The following CITED2 variants were observed in gnomAD, a reference collection of about 807,000 sequenced individuals.
CITED2 encodes the protein cbp/p300-interacting transactivator 2.
A neutral mutation model predicts 11.8 loss-of-function variants in CITED2; 2 were observed. The ratio of observed to expected loss-of-function variants is 0.17; its 90% CI spans 0.07 to 0.54. The LOEUF (loss-of-function observed/expected upper bound fraction) is 0.54. Ranked by LOEUF, CITED2 falls within the 20% of genes least tolerant of loss-of-function variation. The pLI, the probability that CITED2 is intolerant of heterozygous loss-of-function variation, is 0.94. For synonymous variants in CITED2, 210 were observed against 153.0 expected (o/e 1.37, Z -2.75); for missense variants, 437 against 390.2 (o/e 1.12, Z -1.01).
At chr6:139,374,234 A>C (rs1341143158) in intron 1 of CITED2, 179 bp downstream of exon 1, 1 of 1,405,894 alleles carries the variant, frequency 7.1e-7, no homozygotes, top group Non-Finnish European at 9.3e-7. Flanking sequence ...TGGCCTAATA[A>C]AGGAAGTGCC....
In CITED2 at chr6:139,371,842, C is replaced by A. The variant is rs1304506251; in HGVS notation, c.*1290G>T. ...TTTATATTTAATGCCACCCATCAAT[C>A]AATCAGTGTATTATTCCAATCTACC... On this transcript the variant is annotated 3_prime_UTR_variant, in exon 2 of 2. Coordinates refer to ENST00000367651, the MANE Select transcript of CITED2 (RefSeq NM_006079.5). 6.6e-6 allele frequency: 1 copy of A among 152,190 alleles called. No individual in the cohort carries two copies. The highest frequency in any genetic ancestry group is 6.5e-5 in the Admixed American group (1 of 15,274). 9.4% of individuals were successfully genotyped at this position (152,190 alleles called of 1,614,324 possible).
At position 139,372,610 on chromosome 6, in the gene CITED2, A is replaced by G; in HGVS notation, c.*522T>C. On this transcript the variant is annotated 3_prime_UTR_variant, in exon 2 of 2. Coordinates refer to ENST00000367651, the MANE Select transcript of CITED2 (RefSeq NM_006079.5). ...CCACATCTGTTTAATCTTCCAGTTT[A>G]GCATATTTTAAAAATTAGTCTGTAC... 5.5e-6 allele frequency: 1 copy of G among 182,428 alleles called. No individual in the cohort carries two copies. Among genetic ancestry groups the G allele is most frequent in the Non-Finnish European group, 1.2e-5 (1 of 84,236 alleles). 11.3% of individuals were successfully genotyped at this position (182,428 alleles called of 1,614,324 possible).
chr6:139,372,664 A>T lies in CITED2; in HGVS notation c.*468T>A. 5.1e-6 allele frequency: 1 copy of T among 197,516 alleles called. No individual in the cohort carries two copies. The highest frequency in any genetic ancestry group is 8.3e-5 in the South Asian group (1 of 12,028). The allele number at this position is 197,516 out of a possible 1,614,324, so 12.2% of individuals were successfully genotyped here. A position where few individuals can be genotyped will look rare whatever the true frequency, so the allele number is the denominator to read the frequency against. Reference sequence around the variant, plus strand: ...AATGCATAGTTAAAAAAATGAAGCGAGATGGCAGTTTGTGCAGTAATATCT... The same window carrying T: ...AATGCATAGTTAAAAAAATGAAGCGTGATGGCAGTTTGTGCAGTAATATCT... On this transcript the variant is annotated 3_prime_UTR_variant, in exon 2 of 2. Coordinates refer to ENST00000367651, the MANE Select transcript of CITED2 (RefSeq NM_006079.5).
In CITED2 at chr6:139,373,290, C is replaced by T. The variant is rs746639456; in HGVS notation, c.655G>A (p.Asp219Asn). ...ACTTCCTCGTCGATGAAATCAGTGTCTATGACATTGGGCGGCAGCATTGCA... is the reference window on the plus strand; with the variant it reads ...ACTTCCTCGTCGATGAAATCAGTGTTTATGACATTGGGCGGCAGCATTGCA... ...PAAMLPPNVI[D>N]TDFIDEEVLM... The change falls in exon 2 of 2, where the codon GAC becomes AAC. Residue 219 changes from aspartate to asparagine, a missense_variant. Asp to Asn is a conservative substitution (Grantham distance 23, BLOSUM62 1). Coordinates refer to ENST00000367651, the MANE Select transcript of CITED2 (RefSeq NM_006079.5). The T allele has an allele frequency of 6.2e-7, 1 of 1,613,812 alleles. No individual in the cohort carries two copies. The highest frequency in any genetic ancestry group is 1.3e-5 in the African/African-American group (1 of 74,940).
rs1252068169 is a variant in CITED2, at chr6:139,372,976, A to T, written c.*156T>A. Reference sequence around the variant, plus strand: ...AAAAAAAGTGGCAGCAATTTTTTTTAAAACCAATTTGTACAAGTTTATAGT... The same window carrying T: ...AAAAAAAGTGGCAGCAATTTTTTTTTAAACCAATTTGTACAAGTTTATAGT... On this transcript the variant is annotated 3_prime_UTR_variant, in exon 2 of 2. Coordinates refer to ENST00000367651, the MANE Select transcript of CITED2 (RefSeq NM_006079.5). 63 of 824,138 alleles carry T rather than the reference A, an allele frequency of 7.6e-5. No homozygotes were observed. The South Asian group carries it at 8.7e-4, about 11-fold the overall frequency. 51.1% of individuals were successfully genotyped at this position (824,138 alleles called of 1,614,324 possible).
At chr6:139,374,308 T>C (rs909977147) in intron 1 of CITED2, 105 bp downstream of exon 1, 9 of 787,788 alleles carry the variant, frequency 1.1e-5, no homozygotes, top group Non-Finnish European at 1.7e-5. Context: ...TTGCACATCC[T>C]GTTGTTATTC....
intron 1 of CITED2, 86 bp downstream of exon 1, chr6:139,374,327 C>T (rs1778333137): frequency 4.5e-6 from 3 of 664,428 alleles, no homozygotes; most frequent in Non-Finnish European, 7.1e-6. Context: ...TCCCCAGCTT[C>T]GCCTCACGCT....
chr6:139,373,044 G>C lies in CITED2; in HGVS notation c.*88C>G. 8.2e-7 allele frequency: 1 copy of C among 1,213,334 alleles called. No individual in the cohort carries two copies. Among genetic ancestry groups the C allele is most frequent in the Non-Finnish European group, 1.2e-6 (1 of 816,152 alleles). 75.2% of individuals were successfully genotyped at this position (1,213,334 alleles called of 1,614,324 possible). A position where few individuals can be genotyped will look rare whatever the true frequency, so the allele number is the denominator to read the frequency against. On this transcript the variant is annotated 3_prime_UTR_variant, in exon 2 of 2. Coordinates refer to ENST00000367651, the MANE Select transcript of CITED2 (RefSeq NM_006079.5). ...TCTCAAACCTTTCAAGATCTGAAAA[G>C]TGAGATACTGTGTCTAAGGGAATGT...
Position 139,373,435 on chromosome 6 carries a change from C to A in CITED2, c.510G>T (p.Ser170=), listed in dbSNP as rs139128813. ...AGCCGCCGGGGGTGCTGCTGCCGCC[C>A]GAGCCGCCGGGGGTGCTGCTGCCGC... is the stretch of plus-strand genomic sequence containing the variant. ...HSGGSSTPGG[S]GGSSTPGGSG... The change falls in exon 2 of 2, where the codon TCG becomes TCT. Residue 170 remains serine (S), a synonymous_variant. Coordinates refer to ENST00000367651, the MANE Select transcript of CITED2 (RefSeq NM_006079.5). 3.3e-6 allele frequency: 5 copies of A among 1,519,120 alleles called. No individual in the cohort carries two copies. The highest frequency in any genetic ancestry group is 1.8e-4 in the Middle Eastern group (1 of 5,656). The allele number at this position is 1,519,120 out of a possible 1,614,324, so 94.1% of individuals were successfully genotyped here. A position where few individuals can be genotyped will look rare whatever the true frequency, so the allele number is the denominator to read the frequency against.
At position 139,373,841 on chromosome 6, in the gene CITED2, C is replaced by A; in HGVS notation, c.104G>T (p.Ser35Ile). ...AHRMGMGQFPSPHHHQQQQPQ... is the reference protein window; with the variant it reads ...AHRMGMGQFPIPHHHQQQQPQ... Reference sequence around the variant, plus strand: ...CTGCTGCTGCTGGTGGTGATGGGGGCTCGGGAACTGCCCCATGCCCATGCG... The same window carrying A: ...CTGCTGCTGCTGGTGGTGATGGGGGATCGGGAACTGCCCCATGCCCATGCG... The change falls in exon 2 of 2, where the codon AGC becomes ATC. Residue 35 changes from serine (S) to isoleucine (I), a missense_variant. Physicochemically the swap from Ser to Ile is moderately radical, Grantham distance 142 (BLOSUM62 -2). Around this residue, in one of 3 missense-constraint regions of CITED2, gnomAD observed 396 missense variants for 325.2 expected, o/e 1.22. Coordinates refer to ENST00000367651, the MANE Select transcript of CITED2 (RefSeq NM_006079.5). The A allele has an allele frequency of 6.2e-7, 1 of 1,605,996 alleles. No individual in the cohort carries two copies. The highest frequency in any genetic ancestry group is 8.5e-7 in the Non-Finnish European group (1 of 1,179,956).
rs1064797329 is a variant in CITED2 at position 139,373,151 on chromosome 6, G to GGCT, written c.791_793dup (p.Gln264dup). 3 of 1,614,144 alleles carry GGCT rather than the reference G, an allele frequency of 1.9e-6. No individual in the cohort carries two copies. Among genetic ancestry groups the GGCT allele is most frequent in the Non-Finnish European group, 2.5e-6 (3 of 1,180,012 alleles). On this transcript the variant is annotated inframe_insertion, in exon 2 of 2. Coordinates refer to ENST00000367651, the MANE Select transcript of CITED2 (RefSeq NM_006079.5). The stretch of plus-strand genomic sequence containing the variant: ...ATCGAGTCAACAGCTCACTCTGCTG[G>GGCT]GCTGCTGTTTGCACACGAAGTCCGT...
At position 139,373,023 on chromosome 6, in the gene CITED2, A is replaced by C; in HGVS notation, c.*109T>G. The C allele has an allele frequency of 8.6e-7, 1 of 1,158,654 alleles. No homozygotes were observed. Among genetic ancestry groups the C allele is most frequent in the Non-Finnish European group, 1.3e-6 (1 of 767,720 alleles). 71.8% of individuals were successfully genotyped at this position (1,158,654 alleles called of 1,614,324 possible). The stretch of plus-strand genomic sequence containing the variant: ...TAGTTTACTTTGTTTCCAAGTTCTC[A>C]AACCTTTCAAGATCTGAAAAGTGAG... On this transcript the variant is annotated 3_prime_UTR_variant, in exon 2 of 2. Coordinates refer to ENST00000367651, the MANE Select transcript of CITED2 (RefSeq NM_006079.5).
chr6:139,373,582 G>A lies in CITED2; in HGVS notation c.363C>T (p.Asn121=), dbSNP rs753567563. Residue 121 remains asparagine (N), a synonymous_variant, in exon 2 of 2, where the codon AAC becomes AAT. Transcript: ENST00000367651. ...PASMQLQKLN[N]QYFNHHPYPH... is the part of the protein sequence containing the mutation. Reference sequence around the variant, plus strand: ...GGTAGGGGTGATGGTTGAAATACTGGTTGTTGAGCTTCTGCAGCTGCATGC... The same window carrying A: ...GGTAGGGGTGATGGTTGAAATACTGATTGTTGAGCTTCTGCAGCTGCATGC... The A allele has an allele frequency of 3.7e-6, 6 of 1,613,972 alleles. No individual in the cohort carries two copies. The highest frequency in any genetic ancestry group is 5.1e-6 in the Non-Finnish European group (6 of 1,179,980).
In CITED2 at chr6:139,374,472, G is replaced by T. The variant is rs938019551; in HGVS notation, c.-68C>A. ...GGGCGGGCTCGTCGCGTCCAGGACCGGCTCAGCAGCACATAGAGGGGACCT... is the reference window on the plus strand; with the variant it reads ...GGGCGGGCTCGTCGCGTCCAGGACCTGCTCAGCAGCACATAGAGGGGACCT... On this transcript the variant is annotated 5_prime_UTR_variant, in exon 1 of 2. Transcript: ENST00000367651. The T allele has an allele frequency of 1.8e-5, 6 of 326,798 alleles. No homozygotes were observed. Among genetic ancestry groups the T allele is most frequent in the Non-Finnish European group, 3.4e-5 (6 of 176,222 alleles). 20.2% of individuals were successfully genotyped at this position (326,798 alleles called of 1,614,324 possible).
At chr6:139,374,356 T>C in intron 1 of CITED2, 57 bp downstream of exon 1, 1 of 571,366 alleles carries the variant, frequency 1.8e-6, no homozygotes, top group Non-Finnish European at 2.9e-6. Flanking sequence ...GGGCAAACCC[T>C]GCCCTCGGAG....
intron 1 of CITED2, 59 bp downstream of exon 1, chr6:139,374,354 C>A (rs927805685): frequency 5.2e-6 from 3 of 582,238 alleles, no homozygotes; most frequent in Non-Finnish European, 8.5e-6. Context: ...CCGGGCAAAC[C>A]CTGCCCTCGG....
chr6:139,372,745 T>C lies in CITED2; in HGVS notation c.*387A>G, dbSNP rs1352089556. 1 of 244,912 alleles carries C rather than the reference T, an allele frequency of 4.1e-6. No individual in the cohort carries two copies. The highest frequency in any genetic ancestry group is 9.1e-5 in the East Asian group (1 of 10,992). The allele number at this position is 244,912 out of a possible 1,614,324, so 15.2% of individuals were successfully genotyped here. A position where few individuals can be genotyped will look rare whatever the true frequency, so the allele number is the denominator to read the frequency against. On this transcript the variant is annotated 3_prime_UTR_variant, in exon 2 of 2. Transcript: ENST00000367651. ...CAATTTTTCCTTTCACTCGTAAATC[T>C]GAATGCAGTTCAGTCATTTGAAACC...
chr6:139,374,427 A>AT lies in CITED2; in HGVS notation c.-24dup. 1 of 418,538 alleles carries AT rather than the reference A, an allele frequency of 2.4e-6. No homozygotes were observed. The highest frequency in any genetic ancestry group is 4.3e-6 in the Non-Finnish European group (1 of 234,746). The allele number at this position is 418,538 out of a possible 1,614,324, so 25.9% of individuals were successfully genotyped here. On this transcript the variant is annotated 5_prime_UTR_variant, in exon 1 of 2. Transcript: ENST00000367651. ...GTCGCGCTTACCTTCCGTTTTTGCG[A>AT]TTTCTGCTCCGAAGACCGAGGGCGG...
chr6:139,373,126 ATCGAG>A lies in CITED2; in HGVS notation c.*1_*5del, dbSNP rs1454981989. 1.9e-6 allele frequency: 3 copies of A among 1,613,626 alleles called. No homozygotes were observed. In the African/African-American group the frequency reaches 4.0e-5, roughly 22 times the overall value. The stretch of plus-strand genomic sequence containing the variant: ...TTTGATTTCTTTCGCCGGGGTTTCG[ATCGAG>A]TCAACAGCTCACTCTGCTGGGCTGC... On this transcript the variant is annotated 3_prime_UTR_variant, in exon 2 of 2. Coordinates refer to ENST00000367651, the MANE Select transcript of CITED2 (RefSeq NM_006079.5).
Sources: allele counts gnomAD v4.1 joint callset, GRCh38; gene constraint gnomAD v4.1.1; regional missense constraint gnomAD v4.1.1; transcripts MANE v1.5; gene names NCBI Gene and HGNC (gene_info 2026-07-23, HGNC 2026-07-21).